TMTC1: variants seen among roughly 807,000 people sequenced by gnomAD.
TMTC1 encodes the protein transmembrane O-mannosyltransferase targeting cadherins 1.
In TMTC1, 73 loss-of-function variants were observed where a neutral mutation model predicts 104.8. The observed-to-expected ratio is 0.70, with a 90% CI of 0.58 to 0.85. The LOEUF (loss-of-function observed/expected upper bound fraction) is 0.85, where lower values mean the gene tolerates loss of function less well. Ranked by LOEUF, TMTC1 falls within the 40% of genes least tolerant of loss-of-function variation. The pLI is 0.00. For synonymous variants in TMTC1, 434 were observed against 428.7 expected (o/e 1.01, Z -0.15); for missense variants, 1,035 against 1,096.1 (o/e 0.94, Z 0.79).
chr12:29,696,559 C>T (rs936784273), intron 5 of TMTC1, among the ~76,000 whole-genome samples: 1 of 152,110 alleles, frequency 6.6e-6, no homozygotes, highest in Non-Finnish European at 1.5e-5. Context: ...TTTGAGGCAA[C>T]ATTAACAATA....
intron 5 of TMTC1, among the ~76,000 whole-genome samples, chr12:29,662,457 C>T (rs1235889905): frequency 2.0e-5 from 3 of 152,072 alleles, no homozygotes; most frequent in African/African-American, 7.2e-5. Flanking sequence ...CGAGACCAGC[C>T]TGGTCAATAT....
At chr12:29,548,179 GC>G (rs1456191705) in intron 10 of TMTC1, among the ~76,000 whole-genome samples, 3 of 152,176 alleles carry the variant, frequency 2.0e-5, no homozygotes, top group Non-Finnish European at 4.4e-5. Flanking sequence ...CTAAGAGAGA[GC>G]CTGTGGTAAT....
At chr12:29,771,986 A>G (rs1943604533) in intron 1 of TMTC1, among the ~76,000 whole-genome samples, 1 of 152,214 alleles carries the variant, frequency 6.6e-6, no homozygotes. Flanking sequence ...ATGAATGAAT[A>G]AACATGAATG....
At chr12:29,514,790 G>A (rs1225446471) in intron 15 of TMTC1, among the ~76,000 whole-genome samples, 186 bp from the exon 16 acceptor site, 1 of 152,106 alleles carries the variant, frequency 6.6e-6, no homozygotes, top group Non-Finnish European at 1.5e-5. Flanking sequence ...AGGTTGAAGT[G>A]GGCAGATTGC....
intron 5 of TMTC1, among the ~76,000 whole-genome samples, chr12:29,653,580 T>C (rs569027387): frequency 6.6e-6 from 1 of 152,270 alleles, no homozygotes; most frequent in Admixed American, 6.5e-5. Flanking sequence ...AAGTGGAAAG[T>C]AGAAGCATTT....
chr12:29,572,975 T>C (rs1945722669), intron 8 of TMTC1, among the ~76,000 whole-genome samples: 1 of 152,244 alleles, frequency 6.6e-6, no homozygotes, highest in African/African-American at 2.4e-5. Flanking sequence ...CTCTATTCTC[T>C]GTCTTCTTTC....
At chr12:29,640,623 C>T (rs1938795657) in intron 5 of TMTC1, 1 of 152,182 alleles carries the variant, frequency 6.6e-6, no homozygotes, top group Non-Finnish European at 1.5e-5. Context: ...GCAGAAAGGC[C>T]CTGGGAGCTC....
chr12:29,668,039 G>T (rs1364626881), intron 5 of TMTC1, among the ~76,000 whole-genome samples: 3 of 152,228 alleles, frequency 2.0e-5, no homozygotes, highest in Non-Finnish European at 2.9e-5. Flanking sequence ...CAGCACAGAA[G>T]TAAAATAGAG....
chr12:29,574,156 G>A (rs1336068100), intron 8 of TMTC1, among the ~76,000 whole-genome samples: 1 of 152,136 alleles, frequency 6.6e-6, no homozygotes, highest in Non-Finnish European at 1.5e-5. Flanking sequence ...TGATTCTTTG[G>A]AGAATAGCCC....
chr12:29,575,551 A>G (rs1220947238), intron 8 of TMTC1, among the ~76,000 whole-genome samples: 1 of 151,156 alleles, frequency 6.6e-6, no homozygotes, highest in Non-Finnish European at 1.5e-5. Flanking sequence ...TGCCCCACTA[A>G]AATCCACTGG....
chr12:29,553,891 T>G (rs1324077191), intron 10 of TMTC1, among the ~76,000 whole-genome samples: 1 of 152,220 alleles, frequency 6.6e-6, no homozygotes, highest in Non-Finnish European at 1.5e-5. Context: ...TTATTTTCAA[T>G]TAGAGCCAAA....
rs1053485946 is a variant in TMTC1, at chr12:29,500,878, T to C, written c.*5968A>G. On this transcript the variant is annotated 3_prime_UTR_variant, in exon 18 of 18. Transcript: ENST00000539277. ...ATTTTATATAAAATAGACATTTACA[T>C]AAATTTAATTTTGGAAAGACCTAGG... 1 of 152,638 alleles carries C rather than the reference T, an allele frequency of 6.6e-6. No homozygotes were observed. Among genetic ancestry groups the C allele is most frequent in the African/African-American group, 2.4e-5 (1 of 41,436 alleles). 9.5% of individuals were successfully genotyped at this position (152,638 alleles called of 1,614,324 possible).
intron 10 of TMTC1, 28 bp downstream of exon 10, chr12:29,556,829 C>T (rs1445755989): frequency 6.2e-7 from 1 of 1,613,166 alleles, no homozygotes; most frequent in Non-Finnish European, 8.5e-7. Flanking sequence ...CGCAAGGCCA[C>T]CTGATCGATG....
At chr12:29,557,193 C>T (rs1945268540) in intron 9 of TMTC1, among the ~76,000 whole-genome samples, 193 bp from the exon 10 acceptor site, 1 of 152,174 alleles carries the variant, frequency 6.6e-6, no homozygotes, top group Non-Finnish European at 1.5e-5. Context: ...GGCAGGGATG[C>T]ACATATTTAT....
In TMTC1 at chr12:29,512,197, G is replaced by A. The variant is rs959229235; in HGVS notation, c.2431-77C>T. 9.7e-5 allele frequency: 118 copies of A among 1,220,702 alleles called. No individual in the cohort carries two copies. In the East Asian group the frequency reaches 2.0e-3, roughly 21 times the overall value. The allele number at this position is 1,220,702 out of a possible 1,614,324, so 75.6% of individuals were successfully genotyped here. A position where few individuals can be genotyped will look rare whatever the true frequency, so the allele number is the denominator to read the frequency against. ...GGATTGCAGAAACCACTTTCTTCAC[G>A]TGTGAAAATTTAAAGTAGTAATACA... On this transcript the variant is annotated intron_variant, in intron 16 of 17. Coordinates refer to ENST00000539277, the MANE Select transcript of TMTC1 (RefSeq NM_001193451.2).
At position 29,501,205 on chromosome 12, in the gene TMTC1, T is replaced by A. The variant is rs1423886371; in HGVS notation, c.*5641A>T. 1.3e-5 allele frequency: 2 copies of A among 152,194 alleles called. No homozygotes were observed. Among genetic ancestry groups the A allele is most frequent in the African/African-American group, 2.4e-5 (1 of 41,438 alleles). The allele number at this position is 152,194 out of a possible 1,614,324, so 9.4% of individuals were successfully genotyped here. A position where few individuals can be genotyped will look rare whatever the true frequency, so the allele number is the denominator to read the frequency against. On this transcript the variant is annotated 3_prime_UTR_variant, in exon 18 of 18. Coordinates refer to ENST00000539277, the MANE Select transcript of TMTC1 (RefSeq NM_001193451.2). Reference sequence around the variant, plus strand: ...TTTTCCCCAGTAAAGTAACAATCACTGTAGGAATTTTTAAGTGCACAAACT... The same window carrying A: ...TTTTCCCCAGTAAAGTAACAATCACAGTAGGAATTTTTAAGTGCACAAACT...
chr12:29,659,611 C>A (rs1400918446), intron 5 of TMTC1, among the ~76,000 whole-genome samples: 1 of 152,108 alleles, frequency 6.6e-6, no homozygotes, highest in Non-Finnish European at 1.5e-5. Flanking sequence ...TACCTAGTCT[C>A]CAGTAGTTTT....
chr12:29,669,105 G>A (rs1419880691), intron 5 of TMTC1, among the ~76,000 whole-genome samples: 1 of 78,372 alleles, frequency 1.3e-5, no homozygotes, highest in Non-Finnish European at 2.2e-5. Flanking sequence ...GGACAGATGA[G>A]GATGCTCCAA....
chr12:29,538,700 A>G (rs559795549), intron 10 of TMTC1, among the ~76,000 whole-genome samples: 1 of 152,318 alleles, frequency 6.6e-6, no homozygotes, highest in Admixed American at 6.5e-5. Context: ...ATGAACATTC[A>G]TGTGACACGA....
Sources: allele counts gnomAD v4.1 joint callset (sites outside exome capture counted in the v4.1 genomes callset), GRCh38; gene constraint gnomAD v4.1.1; transcripts MANE v1.5; gene names NCBI Gene and HGNC (gene_info 2026-07-23, HGNC 2026-07-21).